The following LINGO2 variants were observed in gnomAD, a reference collection of about 807,000 sequenced individuals.
LINGO2 encodes leucine rich repeat and Ig domain containing 2, also known as leucine-rich repeat and immunoglobulin-like domain-containing nogo receptor-interacting protein 2.
In LINGO2, 14 loss-of-function variants were observed where a neutral mutation model predicts 30.6. The ratio of observed to expected loss-of-function variants is 0.46; its 90% CI spans 0.30 to 0.72. LINGO2 has a LOEUF of 0.72. Among genes scored for constraint, LINGO2 ranks in the 30% least tolerant of loss-of-function variants. The pLI, the probability that LINGO2 is intolerant of heterozygous loss-of-function variation, is 0.07. For missense variants in LINGO2, 729 were observed against 751.7 expected (o/e 0.97, Z 0.35); for synonymous variants, 317 against 288.5 (o/e 1.10, Z -1.00).
At chr9:27,950,175 A>G in exon 6 of LINGO2, 1 of 1,614,014 alleles carries the variant, frequency 6.2e-7, no homozygotes, top group Non-Finnish European at 8.5e-7. Flanking sequence ...TGATATATAA[A>G]CCAAATCATT....
chr9:28,654,043 T>C (rs189757170), intron 1 of LINGO2, among the ~76,000 whole-genome samples: 1 of 152,208 alleles, frequency 6.6e-6, no homozygotes, highest in East Asian at 1.9e-4. Context: ...CATGAGTGTT[T>C]TGCTAAATGA....
At chr9:28,374,828 G>A (rs893697950) in intron 2 of LINGO2, among the ~76,000 whole-genome samples, 2 of 152,090 alleles carry the variant, frequency 1.3e-5, no homozygotes, top group South Asian at 2.1e-4. Context: ...AAGTTAGCCT[G>A]TGTTCTTTTA....
chr9:27,998,164 T>TA (rs34716389), intron 5 of LINGO2, among the ~76,000 whole-genome samples: 25,490 of 152,128 alleles, frequency 0.17, 2,149 homozygotes, highest in Admixed American at 0.22. Context: ...AGCCTATGTC[T>TA]ACATTGACCA....
intron 3 of LINGO2, among the ~76,000 whole-genome samples, chr9:28,335,744 C>T (rs1825568920): frequency 6.6e-6 from 1 of 152,092 alleles, no homozygotes; most frequent in Non-Finnish European, 1.5e-5. Flanking sequence ...TAACCACTGA[C>T]ATTTTTGAAA....
intron 1 of LINGO2, among the ~76,000 whole-genome samples, chr9:28,660,398 T>C (rs933950646): frequency 6.6e-6 from 1 of 151,888 alleles, no homozygotes; most frequent in Non-Finnish European, 1.5e-5. Flanking sequence ...ATAATAAAAA[T>C]ATGGTAGCAT....
At chr9:28,556,756 G>C (rs1380029673) in intron 1 of LINGO2, among the ~76,000 whole-genome samples, 1 of 151,496 alleles carries the variant, frequency 6.6e-6, no homozygotes, top group Admixed American at 6.6e-5. Context: ...ATACTACAAG[G>C]CTACAGTAAC....
chr9:28,602,626 CATACTT>C lies in LINGO2; in HGVS notation c.-365+67568_-365+67573del, dbSNP rs1201331266. Among the ~76,000 whole-genome samples the C allele has an allele frequency of 6.6e-5, 10 of 152,008 alleles. 1 individual carries two copies. Among genetic ancestry groups the C allele is most frequent in the African/African-American group, 9.7e-5 (4 of 41,418 alleles). On this transcript the variant is annotated intron_variant, in intron 1 of 5. Coordinates refer to ENST00000379992, the Ensembl canonical transcript of LINGO2. ...CCAGAGAAAAGAAATATAGTAAAGA[CATACTT>C]ATAAATGCTTTAGTTTATGTATTTT... is the stretch of plus-strand genomic sequence containing the variant.
chr9:27,966,681 T>C (rs1333775098), intron 5 of LINGO2, among the ~76,000 whole-genome samples: 1 of 152,030 alleles, frequency 6.6e-6, no homozygotes, highest in Non-Finnish European at 1.5e-5. Context: ...GGCACATATA[T>C]ACCTATGTAA....
At chr9:28,649,798 G>C (rs1251949948) in intron 1 of LINGO2, among the ~76,000 whole-genome samples, 2 of 152,098 alleles carry the variant, frequency 1.3e-5, no homozygotes, top group African/African-American at 4.8e-5. Context: ...TACAAGAAGG[G>C]GTTGTACTGC....
At chr9:28,182,840 C>G (rs1672394237) in intron 4 of LINGO2, among the ~76,000 whole-genome samples, 1 of 152,152 alleles carries the variant, frequency 6.6e-6, no homozygotes, top group Non-Finnish European at 1.5e-5. Context: ...GAAATATGAA[C>G]ACTTTTACAC....
At chr9:28,478,996 T>A (rs1304066709) in intron 1 of LINGO2, among the ~76,000 whole-genome samples, 1 of 152,026 alleles carries the variant, frequency 6.6e-6, no homozygotes, top group Non-Finnish European at 1.5e-5. Context: ...CTATAATACA[T>A]TGTGGTAAAT....
chr9:28,663,481 T>C (rs1828667445), intron 1 of LINGO2, among the ~76,000 whole-genome samples: 1 of 152,130 alleles, frequency 6.6e-6, no homozygotes, highest in African/African-American at 2.4e-5. Flanking sequence ...TGCAGTTGTA[T>C]TCTGATTAGA....
the LINGO2 span, among the ~76,000 whole-genome samples, chr9:29,140,053 C>A: frequency 1.3e-5 from 2 of 152,072 alleles, no homozygotes; most frequent in Middle Eastern, 6.8e-3. Context: ...TTTGGGAAGC[C>A]CTCAGAATCT....
chr9:29,048,542 G>A, the LINGO2 span, among the ~76,000 whole-genome samples: 2 of 152,040 alleles, frequency 1.3e-5, no homozygotes, highest in Non-Finnish European at 2.9e-5. Flanking sequence ...AACAAAACTG[G>A]AGGAATCATA....
chr9:28,725,377 G>A, the LINGO2 span, among the ~76,000 whole-genome samples: 6 of 151,628 alleles, frequency 4.0e-5, no homozygotes, highest in South Asian at 8.3e-4. Flanking sequence ...TGAAAACCAG[G>A]GAGGAATGCA....
intron 1 of LINGO2, among the ~76,000 whole-genome samples, chr9:28,600,853 T>C (rs1825432785): frequency 6.6e-6 from 1 of 152,128 alleles, no homozygotes; most frequent in Admixed American, 6.6e-5. Flanking sequence ...ATTTACACTC[T>C]GTATATAAAA....
the LINGO2 span, among the ~76,000 whole-genome samples, chr9:28,764,552 A>G: frequency 1.3e-5 from 2 of 152,010 alleles, no homozygotes; most frequent in Non-Finnish European, 2.9e-5. Flanking sequence ...AGGATAATCA[A>G]CAGGAAAAAC....
At chr9:28,111,828 T>A (rs1319274647) in intron 4 of LINGO2, among the ~76,000 whole-genome samples, 1 of 152,112 alleles carries the variant, frequency 6.6e-6, no homozygotes, top group African/African-American at 2.4e-5. Context: ...GAGTGATGCA[T>A]TATTTCTGGA....
At chr9:28,690,571 T>C in the LINGO2 span, among the ~76,000 whole-genome samples, 1 of 152,168 alleles carries the variant, frequency 6.6e-6, no homozygotes, top group Non-Finnish European at 1.5e-5. Flanking sequence ...CTACTTTCCA[T>C]TCATGAATAG....
Sources: allele counts gnomAD v4.1 joint callset (sites outside exome capture counted in the v4.1 genomes callset), GRCh38; gene constraint gnomAD v4.1.1; transcripts MANE v1.5; gene names NCBI Gene and HGNC (gene_info 2026-07-23, HGNC 2026-07-21).